The following MYO1F variants were observed in gnomAD, a reference collection of about 807,000 sequenced individuals.
The protein encoded by MYO1F is unconventional myosin-If.
MYO1F carries 60 observed loss-of-function variants against 146.6 expected under a neutral mutation model. The ratio of observed to expected loss-of-function variants is 0.41; its 90% CI spans 0.33 to 0.51. The LOEUF (loss-of-function observed/expected upper bound fraction) is 0.51, where lower values mean the gene tolerates loss of function less well. MYO1F is among the 20% of genes least tolerant of loss of function. The pLI is 0.25. For missense variants in MYO1F, 1,274 were observed against 1,534.3 expected, an observed-to-expected ratio of 0.83 and a Z score of 2.83; for synonymous variants, 602 against 602.1, an observed-to-expected ratio of 1.00 and a Z score of 0.00.
intron 1 of MYO1F, among the ~76,000 whole-genome samples, chr19:8,560,981 C>T (rs1381087111): frequency 1.3e-5 from 2 of 151,528 alleles, no homozygotes; most frequent in African/African-American, 2.4e-5. Flanking sequence ...TTGTGATCTG[C>T]CCGCCTCGGC....
At chr19:8,540,712 CAAA>C (rs930566549) in intron 15 of MYO1F, among the ~76,000 whole-genome samples, 4 of 76,414 alleles carry the variant, frequency 5.2e-5, no homozygotes, top group African/African-American at 4.7e-5. Context: ...ACACTGTCTC[CAAA>C]AAAAAAAAAA....
chr19:8,524,853 CG>C (rs2145823550), intron 25 of MYO1F, among the ~76,000 whole-genome samples: 1 of 152,220 alleles, frequency 6.6e-6, no homozygotes, highest in South Asian at 2.1e-4. Context: ...GCAGAGAAAA[CG>C]GCCCAAAGGC....
chr19:8,530,583 G>A lies in MYO1F; in HGVS notation c.2044-10C>T. ...CCTCCAGGAGGAAAAGCTGGGCGGG[G>A]GTCGTGGGGGGCAAGGGTGAGTCCT... On this transcript the variant is annotated splice_polypyrimidine_tract_variant and intron_variant, in intron 19 of 27. Transcript: ENST00000644032. This position sits in a 1 kb window ranked among gnomAD's most constrained non-coding sequence, Gnocchi z 5.8. 1.2e-6 allele frequency: 2 copies of A among 1,604,010 alleles called. No individual in the cohort carries two copies. The highest frequency in any genetic ancestry group is 1.7e-6 in the Non-Finnish European group (2 of 1,176,020).
intron 21 of MYO1F, among the ~76,000 whole-genome samples, chr19:8,528,005 T>C (rs144396997): frequency 0.011 from 1,704 of 148,528 alleles, 18 homozygotes; most frequent in Middle Eastern, 0.019. Flanking sequence ...GGGCAGATCA[T>C]GAGGTCAGGA....
intron 1 of MYO1F, among the ~76,000 whole-genome samples, chr19:8,556,024 A>T (rs1182343140): frequency 6.6e-6 from 1 of 150,576 alleles, no homozygotes; most frequent in Non-Finnish European, 1.5e-5. Flanking sequence ...TTAATTTTTA[A>T]TTTTTATTTA....
intron 16 of MYO1F, among the ~76,000 whole-genome samples, chr19:8,537,667 CA>C (rs1204642172): frequency 6.6e-6 from 1 of 152,152 alleles, no homozygotes; most frequent in African/African-American, 2.4e-5. Context: ...CTCCTGACCT[CA>C]GGTGATCCAT....
intron 16 of MYO1F, among the ~76,000 whole-genome samples, chr19:8,538,578 G>C (rs116148118): frequency 2.7e-4 from 40 of 147,652 alleles, no homozygotes; most frequent in Non-Finnish European, 4.3e-4. Flanking sequence ...CATTGCTCCC[G>C]GTCTGATTTT....
intron 10 of MYO1F, chr19:8,549,867 C>G: frequency 1.9e-6 from 1 of 515,160 alleles, no homozygotes; most frequent in Non-Finnish European, 3.5e-6. Context: ...ATAGCGCAAT[C>G]ATAGCTCACT....
chr19:8,526,348 A>C (rs1972264592), intron 24 of MYO1F, 105 bp downstream of exon 24: 2 of 1,387,876 alleles, frequency 1.4e-6, no homozygotes, highest in African/African-American at 3.2e-5. Context: ...AAAACTCAAA[A>C]GTCTCTCTCT....
chr19:8,531,519 TG>T (rs148274278), intron 19 of MYO1F, among the ~76,000 whole-genome samples: 10,379 of 152,094 alleles, frequency 0.068, 820 homozygotes, highest in African/African-American at 0.17. Flanking sequence ...CAGCTAATTT[TG>T]TGGTGATGTG....
intron 1 of MYO1F, among the ~76,000 whole-genome samples, chr19:8,564,978 G>A (rs2041976665): frequency 6.6e-6 from 1 of 151,188 alleles, no homozygotes; most frequent in Non-Finnish European, 1.5e-5. Flanking sequence ...TCACCACGTT[G>A]GACACGCTCA....
At chr19:8,572,765 A>G (rs1946735930) in intron 1 of MYO1F, among the ~76,000 whole-genome samples, 1 of 152,108 alleles carries the variant, frequency 6.6e-6, no homozygotes, top group Non-Finnish European at 1.5e-5. Flanking sequence ...GGGCCATCAC[A>G]GCTCACTGCA....
intron 21 of MYO1F, among the ~76,000 whole-genome samples, chr19:8,528,614 T>G (rs1972362212): frequency 6.6e-6 from 1 of 151,838 alleles, no homozygotes; most frequent in African/African-American, 2.4e-5. Flanking sequence ...GGGAATGTGT[T>G]GGTTGGTTGG....
intron 4 of MYO1F, among the ~76,000 whole-genome samples, chr19:8,553,922 TCG>T (rs1568361685): frequency 1.4e-3 from 214 of 149,118 alleles, no homozygotes; most frequent in African/African-American, 5.0e-3. Context: ...TCTCTCTCTC[TCG>T]CTCTCTTTCT....
intron 17 of MYO1F, 111 bp downstream of exon 17, chr19:8,536,838 G>A (rs1008710224): frequency 1.3e-6 from 1 of 764,904 alleles, no homozygotes; most frequent in South Asian, 1.5e-5. Context: ...GGGAGGGGCT[G>A]TGCTAGTCCC....
intron 1 of MYO1F, among the ~76,000 whole-genome samples, chr19:8,568,991 G>A (rs1278673979): frequency 6.6e-6 from 1 of 151,992 alleles, no homozygotes; most frequent in Non-Finnish European, 1.5e-5. Flanking sequence ...GTACAGGAGC[G>A]AACAAAGAGA....
In MYO1F at chr19:8,521,347, G is replaced by T. The variant is rs987952932; in HGVS notation, c.*181C>A. On this transcript the variant is annotated 3_prime_UTR_variant, in exon 28 of 28. Coordinates refer to ENST00000644032, the MANE Select transcript of MYO1F (RefSeq NM_012335.4). ...TGTTGGAGGAAGACCAGGGCCCAGG[G>T]GCGGGGGCTGCAGCAGTGACCTGGT... 4.5e-6 allele frequency: 3 copies of T among 668,126 alleles called. No individual in the cohort carries two copies. In the African/African-American group the frequency reaches 5.3e-5, roughly 12 times the overall value. The allele number at this position is 668,126 out of a possible 1,614,324, so 41.4% of individuals were successfully genotyped here.
At chr19:8,551,994 C>G in intron 7 of MYO1F, 39 bp downstream of exon 7, 1 of 1,613,898 alleles carries the variant, frequency 6.2e-7, no homozygotes, top group South Asian at 1.1e-5. Context: ...CCGCTGGGCT[C>G]CAGGTGGTGC....
intron 1 of MYO1F, among the ~76,000 whole-genome samples, chr19:8,574,968 C>T (rs190602258): frequency 6.6e-6 from 1 of 151,726 alleles, no homozygotes; most frequent in African/African-American, 2.4e-5. Context: ...GTTGGCCAGG[C>T]TGGTCTTGAA....
Sources: allele counts gnomAD v4.1 joint callset (sites outside exome capture counted in the v4.1 genomes callset), GRCh38; gene constraint gnomAD v4.1.1; non-coding constraint Gnocchi (gnomAD v3.1); transcripts MANE v1.5; gene names NCBI Gene and HGNC (gene_info 2026-07-23, HGNC 2026-07-21).